The following RMDN2 variants were observed in gnomAD, a reference collection of about 807,000 sequenced individuals.
RMDN2 encodes the protein regulator of microtubule dynamics protein 2.
Under a neutral mutation model 52.8 loss-of-function variants are expected in RMDN2, and 61 were observed. The observed-to-expected ratio is 1.16, with a 90% CI of 0.94 to 1.43. The LOEUF is 1.43. Ranked by LOEUF, RMDN2 falls within the 40% of genes most tolerant of loss-of-function variation. The pLI, the probability that RMDN2 is intolerant of heterozygous loss-of-function variation, is 0.00. For synonymous variants in RMDN2, 180 were observed against 153.1 expected (o/e 1.18, Z -1.30); for missense variants, 592 against 475.3 (o/e 1.25, Z -2.28).
intron 10 of RMDN2, among the ~76,000 whole-genome samples, chr2:38,005,845 G>A (rs7560148): frequency 6.6e-6 from 1 of 152,106 alleles, no homozygotes; most frequent in Non-Finnish European, 1.5e-5. Flanking sequence ...GGTCTAACAT[G>A]TAAGTCTTTA....
intron 10 of RMDN2, among the ~76,000 whole-genome samples, chr2:38,055,253 A>G (rs1681814888): frequency 6.6e-6 from 1 of 151,844 alleles, no homozygotes; most frequent in African/African-American, 2.4e-5. Flanking sequence ...GCCGTTCTAA[A>G]GCACTTGCCT....
At chr2:37,960,624 G>T (rs1670091060) in intron 2 of RMDN2, among the ~76,000 whole-genome samples, 1 of 152,130 alleles carries the variant, frequency 6.6e-6, no homozygotes, top group Non-Finnish European at 1.5e-5. Context: ...TTTAATTGGG[G>T]AATTTAGTCA....
At chr2:37,990,140 CTGAA>C (rs1558518429) in intron 6 of RMDN2, among the ~76,000 whole-genome samples, 2 of 67,150 alleles carry the variant, frequency 3.0e-5, no homozygotes, top group African/African-American at 1.1e-4. Flanking sequence ...GAGACTCCGT[CTGAA>C]AAAAAAAAAA....
chr2:38,062,774 C>T (rs1374753864), intron 10 of RMDN2, among the ~76,000 whole-genome samples: 24 of 119,160 alleles, frequency 2.0e-4, no homozygotes, highest in Non-Finnish European at 4.3e-4. Flanking sequence ...CCCCTTCCCC[C>T]CCCCCACAAC....
At chr2:37,957,642 A>C (rs1239296401) in intron 2 of RMDN2, among the ~76,000 whole-genome samples, 1 of 152,198 alleles carries the variant, frequency 6.6e-6, no homozygotes, top group Non-Finnish European at 1.5e-5. Flanking sequence ...GAAGCTCTGT[A>C]GTTTAATTAG....
intron 2 of RMDN2, chr2:37,952,347 C>T (rs1668940644): frequency 4.3e-6 from 3 of 699,294 alleles, no homozygotes; most frequent in Admixed American, 2.9e-5. Flanking sequence ...TCCTACATTG[C>T]AGTGTAAATT....
At chr2:37,987,458 G>T (rs564213742) in intron 5 of RMDN2, among the ~76,000 whole-genome samples, 1 of 152,260 alleles carries the variant, frequency 6.6e-6, no homozygotes, top group African/African-American at 2.4e-5. Flanking sequence ...TATACTATAT[G>T]GTTCCAACTA....
intron 10 of RMDN2, among the ~76,000 whole-genome samples, chr2:38,064,265 C>T (rs549010185): frequency 1.6e-4 from 24 of 151,988 alleles, no homozygotes; most frequent in Non-Finnish European, 3.2e-4. Context: ...TTTGGGAGTC[C>T]GAGGCGGGTA....
chr2:37,944,349 G>T, intron 2 of RMDN2, among the ~76,000 whole-genome samples: 1 of 122,812 alleles, frequency 8.1e-6, no homozygotes, highest in African/African-American at 3.0e-5. Flanking sequence ...AAAAAAAAAA[G>T]AATTTTAGGC....
intron 1 of RMDN2, among the ~76,000 whole-genome samples, chr2:37,925,689 C>T (rs1014798990): frequency 6.6e-6 from 1 of 152,314 alleles, no homozygotes; most frequent in African/African-American, 2.4e-5. Flanking sequence ...TATTTCCTCG[C>T]ACGCGGACCC....
At chr2:37,974,237 T>C (rs1268010720) in intron 3 of RMDN2, 23 bp downstream of exon 3, 5 of 1,471,760 alleles carry the variant, frequency 3.4e-6, no homozygotes, top group African/African-American at 2.9e-5. Context: ...ACAATAGCAC[T>C]TCGTATAGTT....
intron 10 of RMDN2, among the ~76,000 whole-genome samples, chr2:38,038,254 C>T (rs1374511193): frequency 3.3e-5 from 5 of 152,152 alleles, no homozygotes; most frequent in African/African-American, 9.7e-5. Flanking sequence ...AGCGCAGCGC[C>T]CCCCGGGCGC....
chr2:37,999,869 C>T (rs1380142164), intron 8 of RMDN2, among the ~76,000 whole-genome samples: 1 of 152,174 alleles, frequency 6.6e-6, no homozygotes, highest in East Asian at 1.9e-4. Flanking sequence ...AAGTTGAGAC[C>T]TGAGCCTTTC....
Position 37,929,621 on chromosome 2 carries a change from T to A in RMDN2, c.344T>A (p.Ile115Lys), listed in dbSNP as rs750621679. ...ATACAAGATGAACTTGGAGGGAAAATAACTGTTCATAAGATAAGCCCTCAG... is the reference window on the plus strand; with the variant it reads ...ATACAAGATGAACTTGGAGGGAAAAAAACTGTTCATAAGATAAGCCCTCAG... Reference protein sequence around the residue: ...EYIQDELGGKITVHKISPQHR... With the variant: ...EYIQDELGGKKTVHKISPQHR... Residue 115 changes from isoleucine (I) to lysine (K), a missense_variant, in exon 2 of 11, where the codon ATA becomes AAA. Coordinates refer to ENST00000354545, the MANE Select transcript of RMDN2 (RefSeq NM_001170791.3). 1.5e-4 allele frequency: 240 copies of A among 1,551,354 alleles called. 2 individuals are homozygous for A. In the Admixed American group the frequency reaches 4.6e-3, roughly 30 times the overall value.
At chr2:37,924,060 T>G (rs1421491580), upstream of RMDN2, among the ~76,000 whole-genome samples, 1 of 152,086 alleles carries the variant, frequency 6.6e-6, no homozygotes, top group African/African-American at 2.4e-5. Flanking sequence ...ACAAATTACT[T>G]TTAATAAAAT....
chr2:37,970,321 A>T (rs1671630753), intron 2 of RMDN2, among the ~76,000 whole-genome samples: 1 of 152,208 alleles, frequency 6.6e-6, no homozygotes, highest in African/African-American at 2.4e-5. Context: ...TTGATCAGAT[A>T]GGTCTCATCT....
chr2:37,947,217 T>TGA (rs1333491415), intron 2 of RMDN2, among the ~76,000 whole-genome samples: 1 of 152,140 alleles, frequency 6.6e-6, no homozygotes, highest in Admixed American at 6.6e-5. Context: ...CTGAGAAGTC[T>TGA]CCACTGTCTA....
intron 10 of RMDN2, among the ~76,000 whole-genome samples, chr2:38,044,432 A>G (rs1276878970): frequency 6.6e-6 from 1 of 151,964 alleles, no homozygotes; most frequent in Non-Finnish European, 1.5e-5. Context: ...ATTATTTTGA[A>G]AACAGTTCAG....
At chr2:38,044,452 C>G (rs1002583157) in intron 10 of RMDN2, among the ~76,000 whole-genome samples, 1 of 151,986 alleles carries the variant, frequency 6.6e-6, no homozygotes, top group Non-Finnish European at 1.5e-5. Context: ...GTCATTAGTA[C>G]TTCAAATATA....
Sources: allele counts gnomAD v4.1 joint callset (sites outside exome capture counted in the v4.1 genomes callset), GRCh38; gene constraint gnomAD v4.1.1; transcripts MANE v1.5; gene names NCBI Gene and HGNC (gene_info 2026-07-23, HGNC 2026-07-21).